Variants in STAG1 observed in about 807,000 individuals in gnomAD.
STAG1 encodes the protein STAG1 cohesin complex component, also known as cohesin subunit SA-1.
STAG1 carries 26 observed loss-of-function variants against 170.9 expected under a neutral mutation model. The observed-to-expected ratio is 0.15, with a 90% CI of 0.11 to 0.21. STAG1 has a LOEUF of 0.21. STAG1 is among the 10% of genes least tolerant of loss of function. STAG1 has a pLI of 1.00. For synonymous variants in STAG1, 514 were observed against 497.7 expected (o/e 1.03, Z -0.44); for missense variants, 964 against 1,509.5 (o/e 0.64, Z 5.99).
At chr3:136,723,831 T>TG (rs1424221631) in intron 1 of STAG1, among the ~76,000 whole-genome samples, 412 of 113,818 alleles carry the variant, frequency 3.6e-3, no homozygotes, top group Middle Eastern at 0.023. Context: ...GGGAGGGAGG[T>TG]GGGGGGGTCA....
At chr3:136,483,219 G>T (rs1425362789) in intron 9 of STAG1, among the ~76,000 whole-genome samples, 1 of 7,782 alleles carries the variant, frequency 1.3e-4, no homozygotes. Context: ...GCTGGTACCG[G>T]TTGTTCCTTT....
At chr3:136,374,327 A>AC (rs1937503754) in intron 23 of STAG1, among the ~76,000 whole-genome samples, 1 of 151,404 alleles carries the variant, frequency 6.6e-6, no homozygotes, top group Non-Finnish European at 1.5e-5. Flanking sequence ...TATAAGAAAA[A>AC]AATATTTTGG....
chr3:136,347,088 A>AAG (rs1187058010), intron 29 of STAG1, among the ~76,000 whole-genome samples: 1 of 150,534 alleles, frequency 6.6e-6, no homozygotes, highest in African/African-American at 2.4e-5. Context: ...CATTAAAAAA[A>AAG]AAAAAAAAGA....
chr3:136,409,076 C>G (rs2087558098), intron 21 of STAG1, among the ~76,000 whole-genome samples: 1 of 152,002 alleles, frequency 6.6e-6, no homozygotes, highest in African/African-American at 2.4e-5. Context: ...ACCAGCCTGG[C>G]TAACATGGTG....
At chr3:136,529,963 G>A (rs1165173124) in intron 6 of STAG1, among the ~76,000 whole-genome samples, 1 of 152,032 alleles carries the variant, frequency 6.6e-6, no homozygotes, top group Non-Finnish European at 1.5e-5. Flanking sequence ...ATAAAAGACA[G>A]GATCCAACCA....
chr3:136,359,877 C>A (rs1457400694), intron 26 of STAG1, among the ~76,000 whole-genome samples: 2 of 152,130 alleles, frequency 1.3e-5, no homozygotes, highest in Admixed American at 6.5e-5. Flanking sequence ...TTATAAACAT[C>A]TATTCTTTTT....
intron 7 of STAG1, among the ~76,000 whole-genome samples, chr3:136,505,701 T>A (rs949886416): frequency 6.6e-6 from 1 of 152,210 alleles, no homozygotes; most frequent in African/African-American, 2.4e-5. Context: ...GATTTTTACA[T>A]TCTAGTGAGG....
intron 14 of STAG1, among the ~76,000 whole-genome samples, chr3:136,447,595 C>CTTTTTTTTTTTTTTT (rs1559806771): frequency 8.2e-6 from 1 of 121,414 alleles, no homozygotes; most frequent in African/African-American, 3.2e-5. Context: ...AAAAGCATCA[C>CTTTTTTTTTTTTTTT]ATTTTTTTTT....
chr3:136,340,358 G>A, intron 32 of STAG1, 133 bp downstream of exon 32: 1 of 587,546 alleles, frequency 1.7e-6, no homozygotes, highest in Non-Finnish European at 3.1e-6. Flanking sequence ...CCGACCTCAG[G>A]TGATCCACCC....
At chr3:136,453,254 T>C (rs1354359759) in intron 13 of STAG1, among the ~76,000 whole-genome samples, 1 of 152,204 alleles carries the variant, frequency 6.6e-6, no homozygotes, top group Admixed American at 6.5e-5. Context: ...AAAAAAAGAT[T>C]TGAAATTTTT....
chr3:136,647,628 TCTTGTTCTTGCTCCC>T (rs1281794862), intron 1 of STAG1, among the ~76,000 whole-genome samples: 2 of 152,190 alleles, frequency 1.3e-5, no homozygotes, highest in Non-Finnish European at 1.5e-5. Context: ...AAGATATTCT[TCTTGTTCTTGCTCCC>T]CAAGTCCCCA....
At chr3:136,452,600 A>T (rs1290729809) in intron 13 of STAG1, among the ~76,000 whole-genome samples, 1 of 152,034 alleles carries the variant, frequency 6.6e-6, no homozygotes, top group Non-Finnish European at 1.5e-5. Context: ...CTATTTCAAT[A>T]GAAATATGTA....
At chr3:136,659,200 C>T (rs1941493698) in intron 1 of STAG1, among the ~76,000 whole-genome samples, 1 of 152,138 alleles carries the variant, frequency 6.6e-6, no homozygotes, top group Non-Finnish European at 1.5e-5. Context: ...GGAAAAGTGA[C>T]AAGATTACAA....
intron 1 of STAG1, among the ~76,000 whole-genome samples, chr3:136,744,857 G>A (rs1319266620): frequency 6.6e-6 from 1 of 151,980 alleles, no homozygotes; most frequent in African/African-American, 2.4e-5. Context: ...TGTATTTTTA[G>A]TAGAGACGGG....
intron 1 of STAG1, among the ~76,000 whole-genome samples, chr3:136,716,839 C>G (rs187959805): frequency 6.6e-6 from 1 of 152,318 alleles, no homozygotes; most frequent in East Asian, 1.9e-4. Flanking sequence ...CCAATTAAAG[C>G]TGCACTAACT....
At chr3:136,345,624 T>TA in intron 29 of STAG1, among the ~76,000 whole-genome samples, 1 of 152,158 alleles carries the variant, frequency 6.6e-6, no homozygotes, top group South Asian at 2.1e-4. Context: ...ATTATTCTAA[T>TA]ATGATAAGGC....
intron 16 of STAG1, chr3:136,429,986 T>G (rs1576457946): frequency 1.3e-5 from 2 of 152,348 alleles, no homozygotes; most frequent in East Asian, 3.9e-4. Flanking sequence ...GTTAACAGCT[T>G]TAAGGCTTCT....
At chr3:136,390,262 T>C (rs1325602992) in intron 22 of STAG1, among the ~76,000 whole-genome samples, 1 of 152,248 alleles carries the variant, frequency 6.6e-6, no homozygotes, top group African/African-American at 2.4e-5. Flanking sequence ...GTAAGTCATT[T>C]TCTAAATCGA....
At chr3:136,495,934 G>GCACTC (rs1282547324) in intron 9 of STAG1, among the ~76,000 whole-genome samples, 2 of 141,214 alleles carry the variant, frequency 1.4e-5, no homozygotes, top group African/African-American at 5.3e-5. Context: ...GTGCACCACT[G>GCACTC]CACTCCAGCC....
Sources: gnomAD v4.1 joint callset for allele counts (sites outside exome capture counted in the v4.1 genomes callset) on GRCh38, gnomAD v4.1.1 for gene constraint, MANE v1.5 for transcripts, NCBI Gene and HGNC (gene_info 2026-07-23, HGNC 2026-07-21) for gene names.